Variants in NOA1 observed in about 807,000 individuals in gnomAD.
NOA1 encodes the protein nitric oxide associated 1.
In NOA1, 35 loss-of-function variants were observed where a neutral mutation model predicts 58.4. That is an observed-to-expected ratio of 0.60 (90% CI 0.46 to 0.79). The LOEUF (loss-of-function observed/expected upper bound fraction) is 0.79. Ranked by LOEUF, NOA1 falls within the 30% of genes least tolerant of loss-of-function variation. The pLI, the probability that NOA1 is intolerant of heterozygous loss-of-function variation, is 0.00. For missense variants in NOA1, 895 were observed against 894.6 expected (o/e 1.00, Z -0.01); for synonymous variants, 397 against 373.4 (o/e 1.06, Z -0.73).
chr4:56,976,345 C>G (rs1300706881), intron 1 of NOA1, 97 bp downstream of exon 1: 1 of 1,047,148 alleles, frequency 9.5e-7, no homozygotes, highest in Non-Finnish European at 1.4e-6. Context: ...ACAGGCAGCC[C>G]GCAGTGGACA....
At chr4:56,966,018 C>CTTTTTTTT (rs57382498) in intron 5 of NOA1, among the ~76,000 whole-genome samples, 7 of 88,552 alleles carry the variant, frequency 7.9e-5, no homozygotes, top group Non-Finnish European at 1.5e-4. Flanking sequence ...AGCAAATTTT[C>CTTTTTTTT]TTTTTTTTTT....
intron 6 of NOA1, 88 bp downstream of exon 6, chr4:56,964,318 C>G (rs373108884): frequency 1.3e-6 from 2 of 1,508,536 alleles, no homozygotes; most frequent in Non-Finnish European, 1.8e-6. Context: ...CCGCCCACCT[C>G]GGCCTCACAA....
chr4:56,974,794 C>A (rs1721871257), intron 1 of NOA1, among the ~76,000 whole-genome samples: 1 of 151,948 alleles, frequency 6.6e-6, no homozygotes, highest in African/African-American at 2.4e-5. Flanking sequence ...CTCAGCCTCC[C>A]AGGTTCAAGC....
Position 56,977,015 on chromosome 4 carries a change from C to G in NOA1, c.571G>C (p.Ala191Pro). ...TCGCGGCTCACCTGCAGGCGTAGAG[C>G]GCGCCGGTGGTGCGACAGCAGCCAG... ...RCWLLSHHRR[A>P]LRLQVSREQY... Residue 191 changes from alanine (A) to proline (P), a missense_variant, in exon 1 of 7, where the codon GCT (alanine) becomes CCT (proline). Around this residue, in one of 3 missense-constraint regions of NOA1, gnomAD observed 680 missense variants for 656.5 expected, o/e 1.04. Coordinates refer to ENST00000264230, the MANE Select transcript of NOA1 (RefSeq NM_032313.4). The G allele has an allele frequency of 1.3e-6, 2 of 1,591,108 alleles. No individual in the cohort carries two copies. The highest frequency in any genetic ancestry group is 1.7e-6 in the Non-Finnish European group (2 of 1,173,660).
In NOA1 at chr4:56,968,501, T is replaced by C; in HGVS notation, c.1530A>G (p.Leu510=). 7 of 1,596,048 alleles carry C rather than the reference T, an allele frequency of 4.4e-6. No homozygotes were observed. Among genetic ancestry groups the C allele is most frequent in the Non-Finnish European group, 6.0e-6 (7 of 1,172,306 alleles). Residue 510 remains leucine, a synonymous_variant, in exon 4 of 7, where the codon CTA becomes CTG. Transcript: ENST00000264230. The part of the protein sequence containing the change: ...ITKENCILNL[L]TEKEVNIVLP... ...AAACAATATTTACTTCTTTTTCTGTTAGAAGATTTAAAATCTGTGAAGCAA... is the reference window on the plus strand; with the variant it reads ...AAACAATATTTACTTCTTTTTCTGTCAGAAGATTTAAAATCTGTGAAGCAA...
chr4:56,966,558 A>G lies in NOA1; in HGVS notation c.1764+62T>C, dbSNP rs1721713305. 1.5e-5 allele frequency: 14 copies of G among 950,920 alleles called. No homozygotes were observed. In the South Asian group the frequency reaches 1.8e-4, roughly 12 times the overall value. The allele number at this position is 950,920 out of a possible 1,614,324, so 58.9% of individuals were successfully genotyped here. On this transcript the variant is annotated intron_variant, in intron 5 of 6. Transcript: ENST00000264230. ...TGTACAACAAAGGCTTTCTTAACAG[A>G]GCTATGGGACCATCCCAGTGTATAC...
chr4:56,973,788 G>A (rs1721850566), intron 2 of NOA1, 70 bp downstream of exon 2: 2 of 1,486,788 alleles, frequency 1.3e-6, no homozygotes, highest in Non-Finnish European at 1.8e-6. Flanking sequence ...TCGGACAGCT[G>A]TATTTCAGGT....
In NOA1 at chr4:56,964,361, C is replaced by G. The variant is rs1432595711; in HGVS notation, c.1885+45G>C. 1.9e-6 allele frequency: 3 copies of G among 1,612,064 alleles called. 1 individual carries two copies. The South Asian group carries it at 3.3e-5, about 18-fold the overall frequency. ...GGATTACAGGTGTGAGCCACCGTGC[C>G]TGCCCTTTTATTCACTTTTTAAAAA... On this transcript the variant is annotated intron_variant, in intron 6 of 6. Transcript: ENST00000264230.
chr4:56,971,591 G>C (rs551840903), intron 3 of NOA1, among the ~76,000 whole-genome samples: 1 of 152,242 alleles, frequency 6.6e-6, no homozygotes, highest in African/African-American at 2.4e-5. Flanking sequence ...TGGTTTTGTA[G>C]GGAGATACAG....
At chr4:56,964,089 T>C (rs1436313420) in intron 6 of NOA1, among the ~76,000 whole-genome samples, 1 of 151,702 alleles carries the variant, frequency 6.6e-6, no homozygotes, top group African/African-American at 2.4e-5. Context: ...TTTTTTGAGA[T>C]GGAGTTTGGC....
rs1290314952 is a variant in NOA1 at position 56,977,468 on chromosome 4, A to C, written c.118T>G (p.Ser40Ala). Residue 40 changes from serine to alanine, a missense_variant, in exon 1 of 7, where the codon TCC (serine) becomes GCC (alanine). By Grantham distance (99) the Ser-to-Ala change is moderately conservative. Transcript: ENST00000264230. ...PLLERRCAAA[S>A]SFQHSSSLGR... ...AGACTCGATGAGTGCTGGAAGGAGGAGGCGGCAGCGCACCTCCTCTCCAGG... is the reference window on the plus strand; with the variant it reads ...AGACTCGATGAGTGCTGGAAGGAGGCGGCGGCAGCGCACCTCCTCTCCAGG... 1.2e-6 allele frequency: 2 copies of C among 1,613,832 alleles called. No homozygotes were observed. The highest frequency in any genetic ancestry group is 1.3e-5 in the African/African-American group (1 of 74,928).
chr4:56,974,023 C>A lies in NOA1; in HGVS notation c.1145-1G>T. 1.2e-6 allele frequency: 2 copies of A among 1,606,140 alleles called. No homozygotes were observed. The highest frequency in any genetic ancestry group is 1.7e-6 in the Non-Finnish European group (2 of 1,173,574). On this transcript the variant is annotated splice_acceptor_variant, in intron 1 of 6. Coordinates refer to ENST00000264230, the MANE Select transcript of NOA1 (RefSeq NM_032313.4). LOFTEE classifies it high-confidence loss of function. ...AACTTCAGAAGGTTTAATGTAGTACCTGAAATACACAGAATAAATACATCT... is the reference window on the plus strand; with the variant it reads ...AACTTCAGAAGGTTTAATGTAGTACATGAAATACACAGAATAAATACATCT...
chr4:56,975,849 A>G (rs1284409363), intron 1 of NOA1, among the ~76,000 whole-genome samples: 1 of 151,990 alleles, frequency 6.6e-6, no homozygotes, highest in Non-Finnish European at 1.5e-5. Flanking sequence ...TGGGCAACAG[A>G]GCAAGACAAG....
chr4:56,972,307 C>T (rs1172446711), intron 3 of NOA1, among the ~76,000 whole-genome samples: 3 of 152,174 alleles, frequency 2.0e-5, no homozygotes, highest in Non-Finnish European at 4.4e-5. Context: ...CTGTTTCCTA[C>T]AGCACAGCTG....
chr4:56,974,088 G>GATACAACAACCACC, intron 1 of NOA1, 66 bp from the exon 2 acceptor site: 2 of 1,026,216 alleles, frequency 1.9e-6, no homozygotes, highest in Non-Finnish European at 2.8e-6. Context: ...GAACATTTTT[G>GATACAACAACCACC]AGGATCTACA....
intron 4 of NOA1, 61 bp from the exon 5 acceptor site, chr4:56,966,797 G>A (rs1162764432): frequency 1.9e-6 from 2 of 1,033,336 alleles, no homozygotes; most frequent in Non-Finnish European, 3.0e-6. Flanking sequence ...CATATTCAAG[G>A]TACAATCAAC....
chr4:56,968,600 T>C, intron 3 of NOA1, 85 bp from the exon 4 acceptor site: 2 of 1,143,484 alleles, frequency 1.7e-6, no homozygotes, highest in East Asian at 2.6e-5. Context: ...TAAAAAGTGA[T>C]GAAAAATATG....
At chr4:56,963,778 T>A (rs1444456756) in intron 6 of NOA1, 117 bp from the exon 7 acceptor site, 2 of 675,138 alleles carry the variant, frequency 3.0e-6, no homozygotes, top group Admixed American at 3.0e-5. Context: ...CACTCTCTTA[T>A]TATTTTATTA....
chr4:56,970,890 T>C (rs1213318634), intron 3 of NOA1, among the ~76,000 whole-genome samples: 1 of 152,220 alleles, frequency 6.6e-6, no homozygotes, highest in Non-Finnish European at 1.5e-5. Context: ...CAGACGTTTA[T>C]ATCTAAAAAT....
Sources: allele counts gnomAD v4.1 joint callset (sites outside exome capture counted in the v4.1 genomes callset), GRCh38; gene constraint gnomAD v4.1.1; regional missense constraint gnomAD v4.1.1; transcripts MANE v1.5; gene names NCBI Gene and HGNC (gene_info 2026-07-23, HGNC 2026-07-21).